LDHD: variants seen among roughly 807,000 people sequenced by gnomAD.
LDHD encodes D-lactate dehydrogenase, mitochondrial.
A neutral mutation model predicts 52.9 loss-of-function variants in LDHD; 58 were observed. The ratio of observed to expected loss-of-function variants is 1.10; its 90% confidence interval spans 0.89 to 1.36. LDHD has a LOEUF of 1.36. Among genes scored for constraint, LDHD ranks in the 40% most tolerant of loss-of-function variants. The pLI is 0.00. For missense variants in LDHD, 747 were observed against 668.0 expected, an observed-to-expected ratio of 1.12 and a Z score of -1.30; for synonymous variants, 350 against 288.6, an observed-to-expected ratio of 1.21 and a Z score of -2.16.
Position 75,112,139 on chromosome 16 carries a change from T to C in LDHD, c.*217A>G. 1.8e-6 allele frequency: 1 copy of C among 570,648 alleles called. No homozygotes were observed. Among genetic ancestry groups the C allele is most frequent in the East Asian group, 2.9e-5 (1 of 34,122 alleles). The allele number at this position is 570,648 out of a possible 1,614,324, so 35.3% of individuals were successfully genotyped here. ...CTGGGAACCACCCTGGGTCGTTTAC[T>C]GAACCAAAGGCTCCTGGGGCCAGCC... On this transcript the variant is annotated 3_prime_UTR_variant, in exon 11 of 11. Transcript: ENST00000450168.
At chr16:75,115,175 C>T (rs912635502) in intron 3 of LDHD, 23 bp downstream of exon 3, 4 of 1,603,434 alleles carry the variant, frequency 2.5e-6, no homozygotes, top group Admixed American at 1.7e-5. Flanking sequence ...ATCCTCGGGC[C>T]GGGCGAGGGA....
In LDHD at chr16:75,112,287, G is replaced by C. The variant is rs1012475386; in HGVS notation, c.*69C>G. 2 of 1,512,994 alleles carry C rather than the reference G, an allele frequency of 1.3e-6. No individual in the cohort carries two copies. Among genetic ancestry groups the C allele is most frequent in the African/African-American group, 2.8e-5 (2 of 72,320 alleles). The allele number at this position is 1,512,994 out of a possible 1,614,324, so 93.7% of individuals were successfully genotyped here. A position where few individuals can be genotyped will look rare whatever the true frequency, so the allele number is the denominator to read the frequency against. On this transcript the variant is annotated 3_prime_UTR_variant, in exon 11 of 11. Transcript: ENST00000450168. ...GCATCTATTTCCTTGCAGGGGCCGT[G>C]GCATGAAGAAAAGTTCCAGAACCGG...
intron 8 of LDHD, among the ~76,000 whole-genome samples, 183 bp from the exon 9 acceptor site, chr16:75,113,107 G>C (rs1411074959): frequency 3.9e-5 from 6 of 152,000 alleles, no homozygotes; most frequent in Non-Finnish European, 7.4e-5. Context: ...GGAGACCAAT[G>C]GCCCAGGTGT....
Position 75,113,763 on chromosome 16 carries a change from C to G in LDHD, c.937G>C (p.Glu313Gln), listed in dbSNP as rs901517367. ...LEFHGSQQAL[E>Q]EQLQRTEEIV... ...ATACCTGTGCGCTGCAGCTGCTCCT[C>G]CAGTGCCTGCTGGGAGCCATGGAAC... is the stretch of plus-strand genomic sequence containing the variant. Residue 313 changes from glutamate (E) to glutamine (Q), a missense_variant, in exon 7 of 11, where the codon GAG becomes CAG. Physicochemically the swap from Glu to Gln is conservative, Grantham distance 29. Coordinates refer to ENST00000450168, the MANE Select transcript of LDHD (RefSeq NM_194436.3). 1 of 1,613,892 alleles carries G rather than the reference C, an allele frequency of 6.2e-7. No homozygotes were observed. The highest frequency in any genetic ancestry group is 1.7e-5 in the Admixed American group (1 of 60,022).
rs758836564 is a variant in LDHD, at chr16:75,112,520, G to A, written c.1291C>T (p.Arg431Trp). Residue 431 changes from arginine to tryptophan, a missense_variant and splice_region_variant, in exon 11 of 11, where the codon CGG becomes TGG. Physicochemically the swap from Arg to Trp is moderately radical, Grantham distance 101 (BLOSUM62 -3). Coordinates refer to ENST00000450168, the MANE Select transcript of LDHD (RefSeq NM_194436.3). ...CACGTTCCGTGGAGAGCCAGTGCCC[G>A]CCTGGGGGCAGGAAGGAGACATCCT... Reference protein sequence around the residue: ...VKAFAEQLGRRALALHGTCTG... With the variant: ...VKAFAEQLGRWALALHGTCTG... 1.4e-5 allele frequency: 23 copies of A among 1,612,810 alleles called. No individual in the cohort carries two copies. The highest frequency in any genetic ancestry group is 1.0e-4 in the Admixed American group (6 of 59,986).
intron 9 of LDHD, 31 bp from the exon 10 acceptor site, chr16:75,112,744 A>C (rs2036430298): frequency 6.2e-7 from 1 of 1,606,578 alleles, no homozygotes; most frequent in Admixed American, 1.7e-5. Context: ...ACTATTCTCC[A>C]GCCCAGTCCT....
chr16:75,113,726 C>T lies in LDHD; in HGVS notation c.958+16G>A, dbSNP rs777945373. 4 of 1,613,602 alleles carry T rather than the reference C, an allele frequency of 2.5e-6. No homozygotes were observed. In the South Asian group the frequency reaches 4.4e-5, roughly 18 times the overall value. On this transcript the variant is annotated intron_variant, in intron 7 of 10. Transcript: ENST00000450168. ...TGAGGCAGCCCACCCTGCTGCCCCA[C>T]TCCACCCCAGCATACCTGTGCGCTG...
At chr16:75,114,741 C>A in intron 4 of LDHD, 56 bp from the exon 5 acceptor site, 1 of 1,560,186 alleles carries the variant, frequency 6.4e-7, no homozygotes, top group Admixed American at 1.9e-5. Context: ...TTCCCTCGGG[C>A]TGGGGGAGGA....
chr16:75,115,701 A>C, intron 1 of LDHD, 41 bp from the exon 2 acceptor site: 2 of 1,251,792 alleles, frequency 1.6e-6, no homozygotes, highest in Non-Finnish European at 2.3e-6. Context: ...CCCGAAAGAC[A>C]CATGGGGCCA....
Position 75,114,924 on chromosome 16 carries a change from C to T in LDHD, c.372G>A (p.Glu124=). Residue 124 remains glutamate, a synonymous_variant, in exon 4 of 11, where the codon GAG becomes GAA. Coordinates refer to ENST00000450168, the MANE Select transcript of LDHD (RefSeq NM_194436.3). Reference sequence around the variant, plus strand: ...CCACAGAGAAGTCCTCCTGGTTCAGCTCCAGGATTCGGTCCATATGCGTCA... The same window carrying T: ...CCACAGAGAAGTCCTCCTGGTTCAGTTCCAGGATTCGGTCCATATGCGTCA... ...VNLTHMDRIL[E]LNQEDFSVVV... is the part of the protein sequence containing the mutation. 1.2e-6 allele frequency: 2 copies of T among 1,613,994 alleles called. No individual in the cohort carries two copies. The highest frequency in any genetic ancestry group is 2.2e-5 in the South Asian group (2 of 91,088).
chr16:75,113,992 T>C lies in LDHD; in HGVS notation c.803A>G (p.Gln268Arg), dbSNP rs1040711544. 1.2e-6 allele frequency: 2 copies of C among 1,600,268 alleles called. No homozygotes were observed. Among genetic ancestry groups the C allele is most frequent in the South Asian group, 1.1e-5 (1 of 89,768 alleles). ...AAVDSTVHIL[Q>R]AAVPVARIEF... ...AATGCGGGCTACGGGCACTGCAGCC[T>C]GGAGGATGTGTACAGTGCTGTCCAC... Residue 268 changes from glutamine (Q) to arginine (R), a missense_variant, in exon 6 of 11, where the codon CAG becomes CGG. By Grantham distance (43) the Gln-to-Arg change is conservative. Transcript: ENST00000450168.
At chr16:75,115,043 G>A (rs547098109) in intron 3 of LDHD, 75 bp from the exon 4 acceptor site, 762 of 1,552,194 alleles carry the variant, frequency 4.9e-4, no homozygotes, top group Non-Finnish European at 5.5e-4. Flanking sequence ...CACACCCCGC[G>A]GGTGTCCCCC....
At chr16:75,116,449 C>T (rs1212758952) in intron 1 of LDHD, among the ~76,000 whole-genome samples, 200 bp downstream of exon 1, 1 of 152,224 alleles carries the variant, frequency 6.6e-6, no homozygotes, top group Admixed American at 6.5e-5. Flanking sequence ...CCCAGCCCCA[C>T]TCATGGTAGC....
chr16:75,115,472 A>C, intron 2 of LDHD, 76 bp downstream of exon 2: 1 of 1,582,058 alleles, frequency 6.3e-7, no homozygotes, highest in Non-Finnish European at 8.7e-7. Flanking sequence ...GTGAGGAGGA[A>C]GGCAACCCAG....
Position 75,114,063 on chromosome 16 carries a change from C to T in LDHD, c.732G>A (p.Glu244=), listed in dbSNP as rs141563074. The T allele has an allele frequency of 2.2e-5, 35 of 1,610,844 alleles. No individual in the cohort carries two copies. The highest frequency in any genetic ancestry group is 2.7e-5 in the Non-Finnish European group (32 of 1,179,856). Residue 244 remains glutamate (E), a synonymous_variant, in exon 6 of 11, where the codon GAG becomes GAA. Coordinates refer to ENST00000450168, the MANE Select transcript of LDHD (RefSeq NM_194436.3). The stretch of plus-strand genomic sequence containing the variant: ...ACGCACACGTGGCGGCCACTGTGGC[C>T]TCAGGGGCAGGGTGCAGGCGCAGGG... The part of the protein sequence containing the change: ...ATTLRLHPAP[E]ATVAATCAFP...
rs766590960 is a variant in LDHD at position 75,113,701 on chromosome 16, T to G, written c.959-39A>C. ...AGGGGGGCTGACACCGGGCCGCCAC[T>G]GAGGCAGCCCACCCTGCTGCCCCAC... On this transcript the variant is annotated intron_variant, in intron 7 of 10. Coordinates refer to ENST00000450168, the MANE Select transcript of LDHD (RefSeq NM_194436.3). 5.6e-6 allele frequency: 9 copies of G among 1,612,968 alleles called. No individual in the cohort carries two copies. The South Asian group carries it at 9.9e-5, about 18-fold the overall frequency.
chr16:75,112,968 G>C (rs760149353), intron 8 of LDHD, 44 bp from the exon 9 acceptor site: 3 of 1,460,312 alleles, frequency 2.1e-6, no homozygotes, highest in East Asian at 2.3e-5. Flanking sequence ...CTGATTGGGT[G>C]TACGGGGTCA....
Position 75,112,511 on chromosome 16 carries a change from C to G in LDHD, c.1300G>C (p.Ala434Pro). 1 of 1,613,042 alleles carries G rather than the reference C, an allele frequency of 6.2e-7. No homozygotes were observed. The highest frequency in any genetic ancestry group is 8.5e-7 in the Non-Finnish European group (1 of 1,179,712). ...TCCCCCGTGCACGTTCCGTGGAGAG[C>G]CAGTGCCCGCCTGGGGGCAGGAAGG... is the stretch of plus-strand genomic sequence containing the variant. ...FAEQLGRRAL[A>P]LHGTCTGEHG... is the part of the protein sequence containing the mutation. The change falls in exon 11 of 11, where the codon GCT becomes CCT. Residue 434 changes from alanine (A) to proline (P), a missense_variant. Physicochemically the swap from Ala to Pro is conservative, Grantham distance 27 (BLOSUM62 -1). Coordinates refer to ENST00000450168, the MANE Select transcript of LDHD (RefSeq NM_194436.3).
Position 75,112,407 on chromosome 16 carries a change from G to A in LDHD, c.1404C>T (p.Leu468=). ...GAVGVETMRQ[L]KAVLDPQGLM... ...GGCCTTGGGGGTCTAGCACGGCCTT[G>A]AGCTGCCGCATGGTCTCCACGCCCA... is the stretch of plus-strand genomic sequence containing the variant. Residue 468 remains leucine, a synonymous_variant, in exon 11 of 11, where the codon CTC becomes CTT. Transcript: ENST00000450168. The A allele has an allele frequency of 6.2e-7, 1 of 1,613,498 alleles. No individual in the cohort carries two copies. The highest frequency in any genetic ancestry group is 1.7e-4 in the Middle Eastern group (1 of 6,060).
Sources: allele counts gnomAD v4.1 joint callset (sites outside exome capture counted in the v4.1 genomes callset), GRCh38; gene constraint gnomAD v4.1.1; transcripts MANE v1.5; gene names NCBI Gene and HGNC (gene_info 2026-07-23, HGNC 2026-07-21).